The following CSNK2A2IP variants were observed in gnomAD, a reference collection of about 807,000 sequenced individuals.
The protein encoded by CSNK2A2IP is casein kinase 2 subunit alpha' interacting protein.
At chr3:88,365,173 C>T in the CSNK2A2IP span, among the ~76,000 whole-genome samples, 18 of 152,082 alleles carry the variant, frequency 1.2e-4, no homozygotes, top group Non-Finnish European at 2.5e-4. Flanking sequence ...ATATACAAGA[C>T]AGCTGGAAGG....
At chr3:88,359,916 T>C in the CSNK2A2IP span, among the ~76,000 whole-genome samples, 1 of 152,124 alleles carries the variant, frequency 6.6e-6, no homozygotes, top group Non-Finnish European at 1.5e-5. Context: ...TGTTTCTTTG[T>C]TGATTTTCTG....
chr3:88,438,916 T>C, the CSNK2A2IP span, among the ~76,000 whole-genome samples: 2 of 128,400 alleles, frequency 1.6e-5, no homozygotes. Flanking sequence ...CCATGTTGTC[T>C]TCAAACTCAT....
the CSNK2A2IP span, among the ~76,000 whole-genome samples, chr3:88,354,152 G>C: frequency 6.6e-6 from 1 of 152,188 alleles, no homozygotes; most frequent in Admixed American, 6.5e-5. Context: ...AGCAGTTGCT[G>C]ATGCTACCCT....
At chr3:88,369,169 A>G in the CSNK2A2IP span, among the ~76,000 whole-genome samples, 1 of 152,154 alleles carries the variant, frequency 6.6e-6, no homozygotes, top group East Asian at 1.9e-4. Flanking sequence ...TACAGCTACT[A>G]TGGCTATAGC....
the CSNK2A2IP span, chr3:88,382,881 GTAGA>G: frequency 6.6e-6 from 1 of 152,168 alleles, no homozygotes; most frequent in Non-Finnish European, 1.5e-5. Flanking sequence ...ACCTTTTTGG[GTAGA>G]TTATTATTTA....
the CSNK2A2IP span, among the ~76,000 whole-genome samples, chr3:88,402,219 A>G: frequency 3.9e-5 from 6 of 152,166 alleles, 1 homozygote; most frequent in South Asian, 1.2e-3. Flanking sequence ...AAACAATGTT[A>G]TTTGATTTTA....
chr3:88,387,760 C>G, the CSNK2A2IP span, among the ~76,000 whole-genome samples: 1 of 152,242 alleles, frequency 6.6e-6, no homozygotes, highest in East Asian at 1.9e-4. Context: ...GAATCTTGCT[C>G]TTTTGCCCAG....
At chr3:88,368,909 G>T in the CSNK2A2IP span, among the ~76,000 whole-genome samples, 35 of 152,078 alleles carry the variant, frequency 2.3e-4, no homozygotes, top group Admixed American at 1.9e-3. Flanking sequence ...CACAAGCTCT[G>T]TAAACCTCTC....
the CSNK2A2IP span, among the ~76,000 whole-genome samples, chr3:88,339,485 A>C: frequency 3.3e-5 from 5 of 152,050 alleles, no homozygotes; most frequent in Non-Finnish European, 7.4e-5. Context: ...GGCTATTGTG[A>C]GTAGTGCTGT....
the CSNK2A2IP span, among the ~76,000 whole-genome samples, chr3:88,371,906 A>G: frequency 1.3e-5 from 2 of 151,690 alleles, no homozygotes; most frequent in African/African-American, 4.8e-5. Flanking sequence ...TGACATATTC[A>G]AAGTGCTTAA....
the CSNK2A2IP span, among the ~76,000 whole-genome samples, chr3:88,352,820 A>G: frequency 9.7e-3 from 1,479 of 152,276 alleles, 22 homozygotes; most frequent in African/African-American, 0.034. Flanking sequence ...ATAGGCATTT[A>G]CAGGGTGAGT....
At chr3:88,373,655 G>C in the CSNK2A2IP span, among the ~76,000 whole-genome samples, 15 of 146,856 alleles carry the variant, frequency 1.0e-4, no homozygotes, top group South Asian at 3.2e-3. Context: ...TACTGAAATA[G>C]AAATTTTAAA....
chr3:88,354,137 T>C, the CSNK2A2IP span, among the ~76,000 whole-genome samples: 143,201 of 152,284 alleles, frequency 0.94, 67,880 homozygotes, highest in Non-Finnish European at 1. Context: ...GAGGCCCTCA[T>C]CAGAAGCAGT....
At chr3:88,351,214 C>A in the CSNK2A2IP span, among the ~76,000 whole-genome samples, 2 of 151,888 alleles carry the variant, frequency 1.3e-5, no homozygotes, top group African/African-American at 4.8e-5. Context: ...TTTTTCTTAT[C>A]CTTTAATAAC....
chr3:88,412,323 G>A, the CSNK2A2IP span, among the ~76,000 whole-genome samples: 11 of 151,920 alleles, frequency 7.2e-5, no homozygotes, highest in African/African-American at 2.2e-4. Context: ...TTCCATGGAG[G>A]GGAAAGGCCT....
chr3:88,374,906 A>G, the CSNK2A2IP span, among the ~76,000 whole-genome samples: 2 of 151,764 alleles, frequency 1.3e-5, no homozygotes, highest in Non-Finnish European at 3.0e-5. Flanking sequence ...CAGGGTAGGA[A>G]GGAAAAGATA....
chr3:88,364,743 C>A, the CSNK2A2IP span, among the ~76,000 whole-genome samples: 1 of 152,108 alleles, frequency 6.6e-6, no homozygotes, highest in Non-Finnish European at 1.5e-5. Context: ...CAGTTTCCAG[C>A]AGACTTGTTG....
chr3:88,436,584 A>G, the CSNK2A2IP span, among the ~76,000 whole-genome samples: 7 of 152,152 alleles, frequency 4.6e-5, no homozygotes, highest in African/African-American at 1.7e-4. Context: ...ACAAAAGTGT[A>G]CAGACTTTTA....
chr3:88,425,088 CTA>C, the CSNK2A2IP span, among the ~76,000 whole-genome samples: 1 of 151,860 alleles, frequency 6.6e-6, no homozygotes, highest in Non-Finnish European at 1.5e-5. Flanking sequence ...CTAGTTTTTT[CTA>C]AAATTATTCT....
Sources: allele counts gnomAD v4.1 joint callset (sites outside exome capture counted in the v4.1 genomes callset), GRCh38; gene constraint gnomAD v4.1.1; transcripts MANE v1.5; gene names NCBI Gene and HGNC (gene_info 2026-07-23, HGNC 2026-07-21).